Variants in ADCK1 observed in about 807,000 individuals in gnomAD.
ADCK1 encodes the protein aarF domain-containing protein kinase 1.
In ADCK1, 41 loss-of-function variants were observed where a neutral mutation model predicts 52.3. That is an observed-to-expected ratio of 0.78 (90% confidence interval 0.61 to 1.02). The LOEUF (loss-of-function observed/expected upper bound fraction) is 1.02. Among genes scored for constraint, ADCK1 ranks in the 50% least tolerant of loss-of-function variants. The pLI, the probability that ADCK1 is intolerant of heterozygous loss-of-function variation, is 0.00. For synonymous variants in ADCK1, 250 were observed against 274.6 expected (o/e 0.91, Z 0.89); for missense variants, 658 against 679.5 (o/e 0.97, Z 0.35).
intron 4 of ADCK1, among the ~76,000 whole-genome samples, chr14:77,875,104 G>T (rs1012380627): frequency 6.6e-6 from 1 of 152,158 alleles, no homozygotes; most frequent in African/African-American, 2.4e-5. Context: ...GAACTCACTG[G>T]AAGACCAGTT....
rs763974286 is a variant in ADCK1 at position 77,887,195 on chromosome 14, G to C, written c.528G>C (p.Lys176Asn). 6.2e-7 allele frequency: 1 copy of C among 1,610,452 alleles called. No homozygotes were observed. The highest frequency in any genetic ancestry group is 1.7e-5 in the Admixed American group (1 of 59,630). The change falls in exon 5 of 11, where the codon AAG (lysine) becomes AAC (asparagine). Residue 176 changes from lysine to asparagine, a missense_variant. By Grantham distance (94) the Lys-to-Asn change is moderately conservative. Coordinates refer to ENST00000238561, the MANE Select transcript of ADCK1 (RefSeq NM_020421.4). ...ATGATGGGCGGACGGTGGCCGTGAA[G>C]GTCCAGCACCCAAAGGTGCGGGCTC... The part of the protein sequence containing the change: ...VLHDGRTVAV[K>N]VQHPKVRAQS...
chr14:77,857,739 C>G (rs1446309170), intron 3 of ADCK1, among the ~76,000 whole-genome samples: 1 of 152,240 alleles, frequency 6.6e-6, no homozygotes. Context: ...TTTAACTCCT[C>G]GCATGATTTT....
intron 6 of ADCK1, among the ~76,000 whole-genome samples, chr14:77,906,385 T>A (rs975239722): frequency 1.3e-5 from 2 of 152,246 alleles, no homozygotes; most frequent in South Asian, 4.1e-4. Context: ...GTGGGGGTAC[T>A]GGTGGGTGTC....
intron 7 of ADCK1, among the ~76,000 whole-genome samples, chr14:77,920,725 T>A (rs1280879415): frequency 6.6e-6 from 1 of 152,168 alleles, no homozygotes. Flanking sequence ...CATAGCTCAC[T>A]GCAGCCTGAA....
At chr14:77,828,792 G>T (rs1200168149) in intron 3 of ADCK1, among the ~76,000 whole-genome samples, 1 of 152,174 alleles carries the variant, frequency 6.6e-6, no homozygotes, top group Non-Finnish European at 1.5e-5. Flanking sequence ...CTCCCAAAGT[G>T]TTGGGATTAC....
chr14:77,861,967 G>A (rs17106478), intron 4 of ADCK1, among the ~76,000 whole-genome samples: 30,061 of 152,198 alleles, frequency 0.2, 3,083 homozygotes, highest in Middle Eastern at 0.31. Context: ...TCCTTGCATA[G>A]CATTGGCTCA....
At chr14:77,814,266 A>G (rs896533765) in intron 1 of ADCK1, among the ~76,000 whole-genome samples, 1 of 151,230 alleles carries the variant, frequency 6.6e-6, no homozygotes, top group African/African-American at 2.4e-5. Context: ...TTTTGTAGCG[A>G]TGGGGTTTCG....
intron 3 of ADCK1, among the ~76,000 whole-genome samples, chr14:77,846,830 TGGACCCGAAGC>T (rs1286217044): frequency 2.0e-5 from 3 of 152,218 alleles, no homozygotes; most frequent in Admixed American, 6.5e-5. Flanking sequence ...TTTTCTTCTG[TGGACCCGAAGC>T]GGAGAAGCTG....
At chr14:77,862,276 T>C (rs1253293646) in intron 4 of ADCK1, among the ~76,000 whole-genome samples, 1 of 152,134 alleles carries the variant, frequency 6.6e-6, no homozygotes, top group Non-Finnish European at 1.5e-5. Context: ...CGTTTCTGCC[T>C]CCTCAAAAGT....
At chr14:77,924,672 T>C in intron 8 of ADCK1, 66 bp downstream of exon 8, 2 of 1,584,286 alleles carry the variant, frequency 1.3e-6, no homozygotes, top group Non-Finnish European at 1.7e-6. Flanking sequence ...CCACTCTAAT[T>C]AGCTGCAGAA....
chr14:77,806,067 C>G (rs2081219203), intron 1 of ADCK1, among the ~76,000 whole-genome samples: 1 of 140,160 alleles, frequency 7.1e-6, no homozygotes. Context: ...TCCCAGCACT[C>G]TGGGAGGCTG....
intron 5 of ADCK1, among the ~76,000 whole-genome samples, chr14:77,889,904 ACAGAAGAAG>A (rs2083247479): frequency 6.7e-6 from 1 of 148,706 alleles, no homozygotes. Flanking sequence ...AAAAAAAAAA[ACAGAAGAAG>A]AAGAAAGAAG....
rs187669486 is a variant in ADCK1, at chr14:77,851,565, C to T, written c.220-7511C>T. Among the ~76,000 whole-genome samples the T allele has an allele frequency of 7.9e-5, 12 of 152,192 alleles. No individual in the cohort carries two copies. The East Asian group carries it at 1.2e-3, about 15-fold the overall frequency. On this transcript the variant is annotated intron_variant, in intron 3 of 10. Coordinates refer to ENST00000238561, the MANE Select transcript of ADCK1 (RefSeq NM_020421.4). Reference sequence around the variant, plus strand: ...TTCTTCATTCCTGTTTCCTTTATCACGCCTTCTTTTGGATTGGGTATTTTT... The same window carrying T: ...TTCTTCATTCCTGTTTCCTTTATCATGCCTTCTTTTGGATTGGGTATTTTT...
At chr14:77,867,035 C>T (rs1271251908) in intron 4 of ADCK1, among the ~76,000 whole-genome samples, 1 of 152,212 alleles carries the variant, frequency 6.6e-6, no homozygotes, top group Non-Finnish European at 1.5e-5. Context: ...TTGAGCACCT[C>T]CTCTGTGCCA....
chr14:77,886,258 G>T (rs888441890), intron 4 of ADCK1, among the ~76,000 whole-genome samples: 1 of 152,178 alleles, frequency 6.6e-6, no homozygotes, highest in Admixed American at 6.5e-5. Flanking sequence ...AGGATTCTTT[G>T]AGCTCCCCTG....
intron 4 of ADCK1, among the ~76,000 whole-genome samples, chr14:77,869,219 C>T (rs1011068950): frequency 6.6e-6 from 1 of 152,180 alleles, no homozygotes; most frequent in Non-Finnish European, 1.5e-5. Flanking sequence ...TGTATTGTCT[C>T]ACAGTTCTGG....
chr14:77,882,404 A>G (rs2083047379), intron 4 of ADCK1, among the ~76,000 whole-genome samples: 1 of 152,248 alleles, frequency 6.6e-6, no homozygotes. Context: ...GCTTTGAGGC[A>G]GGCTTCCGTC....
chr14:77,897,750 A>G (rs984625787), intron 5 of ADCK1, among the ~76,000 whole-genome samples: 1 of 152,230 alleles, frequency 6.6e-6, no homozygotes, highest in Non-Finnish European at 1.5e-5. Context: ...ATAAATGTTC[A>G]AGCACCAAAC....
intron 3 of ADCK1, among the ~76,000 whole-genome samples, chr14:77,850,230 G>A (rs1011948691): frequency 6.6e-6 from 1 of 152,076 alleles, no homozygotes; most frequent in African/African-American, 2.4e-5. Context: ...AAAGAATATG[G>A]TCTCTCTTGG....
Sources: gnomAD v4.1 joint callset for allele counts (sites outside exome capture counted in the v4.1 genomes callset) on GRCh38, gnomAD v4.1.1 for gene constraint, MANE v1.5 for transcripts, NCBI Gene and HGNC (gene_info 2026-07-23, HGNC 2026-07-21) for gene names.